PLD1: variants seen among roughly 807,000 people sequenced by gnomAD.
The protein encoded by PLD1 is choline phosphatase 1.
Under a neutral mutation model 137.1 loss-of-function variants are expected in PLD1, and 112 were observed. The ratio of observed to expected loss-of-function variants is 0.82; its 90% CI spans 0.70 to 0.96. PLD1 has a LOEUF of 0.96. Among genes scored for constraint, PLD1 ranks in the 40% least tolerant of loss-of-function variants. The pLI is 0.00. For missense variants in PLD1, 1,321 were observed against 1,342.0 expected (o/e 0.98, Z 0.24); for synonymous variants, 431 against 454.7 (o/e 0.95, Z 0.66).
At chr3:171,758,313 T>A (rs1721167798) in intron 1 of PLD1, among the ~76,000 whole-genome samples, 1 of 152,198 alleles carries the variant, frequency 6.6e-6, no homozygotes, top group African/African-American at 2.4e-5. Context: ...CAGGGCCCAA[T>A]TTCTTAATCA....
chr3:171,751,834 A>C (rs981456075), intron 1 of PLD1, among the ~76,000 whole-genome samples: 3 of 152,116 alleles, frequency 2.0e-5, no homozygotes, highest in Admixed American at 2.0e-4. Context: ...CCCCATCTCT[A>C]CTAAAACTAC....
At chr3:171,658,066 A>C (rs1737361463) in intron 21 of PLD1, among the ~76,000 whole-genome samples, 1 of 152,188 alleles carries the variant, frequency 6.6e-6, no homozygotes, top group Non-Finnish European at 1.5e-5. Context: ...GATGCTCAGT[A>C]TCATTAGTCA....
intron 11 of PLD1, among the ~76,000 whole-genome samples, chr3:171,705,172 A>C (rs751787594): frequency 5.9e-5 from 9 of 152,234 alleles, no homozygotes; most frequent in Non-Finnish European, 1.3e-4. Context: ...GCAAATAAAT[A>C]AGATACTATT....
At chr3:171,802,293 G>T (rs1723679971) in intron 1 of PLD1, among the ~76,000 whole-genome samples, 1 of 152,182 alleles carries the variant, frequency 6.6e-6, no homozygotes, top group Non-Finnish European at 1.5e-5. Flanking sequence ...AAGAATTTCA[G>T]ATAGTGGTGA....
At chr3:171,738,280 A>C (rs1719525154) in intron 1 of PLD1, among the ~76,000 whole-genome samples, 198 bp from the exon 2 acceptor site, 1 of 151,958 alleles carries the variant, frequency 6.6e-6, no homozygotes, top group South Asian at 2.1e-4. Context: ...AAATTAAAAC[A>C]GAGTGCTTAA....
chr3:171,670,161 A>G (rs555910107), intron 19 of PLD1, among the ~76,000 whole-genome samples: 115 of 117,764 alleles, frequency 9.8e-4, no homozygotes, highest in African/African-American at 3.7e-3. Context: ...GGAGATAAAG[A>G]GAGGATGGTT....
At chr3:171,783,162 G>A (rs1049190117) in intron 1 of PLD1, among the ~76,000 whole-genome samples, 4 of 152,126 alleles carry the variant, frequency 2.6e-5, no homozygotes, top group Non-Finnish European at 5.9e-5. Context: ...AGTCACCTGG[G>A]AGAGTGAGTT....
chr3:171,715,018 A>G (rs867243833), intron 8 of PLD1, among the ~76,000 whole-genome samples: 1 of 152,248 alleles, frequency 6.6e-6, no homozygotes, highest in African/African-American at 2.4e-5. Context: ...CTAAATTCCA[A>G]ACAAAGTTTC....
intron 11 of PLD1, among the ~76,000 whole-genome samples, chr3:171,707,327 T>C (rs1392290756): frequency 6.6e-6 from 1 of 152,188 alleles, no homozygotes; most frequent in Non-Finnish European, 1.5e-5. Flanking sequence ...ATTTTGGTGT[T>C]CAGACATAAA....
chr3:171,726,054 T>C lies in PLD1; in HGVS notation c.629A>G (p.Gln210Arg). 1.2e-6 allele frequency: 2 copies of C among 1,612,820 alleles called. No individual in the cohort carries two copies. Among genetic ancestry groups the C allele is most frequent in the Non-Finnish European group, 1.7e-6 (2 of 1,178,802 alleles). The change falls in exon 7 of 27, where the codon CAG (glutamine) becomes CGG (arginine). Residue 210 changes from glutamine (Q) to arginine (R), a missense_variant. By Grantham distance (43) the Gln-to-Arg change is conservative. Coordinates refer to ENST00000351298, the MANE Select transcript of PLD1 (RefSeq NM_002662.5). ...TCCCAAATCATGGATGAAAGACAGC[T>C]GGCTTATATCAAGAAACTCTGTCTG... Reference protein sequence around the residue: ...HATTEFLDISQLSFIHDLGPK... With the variant: ...HATTEFLDISRLSFIHDLGPK...
intron 17 of PLD1, 68 bp downstream of exon 17, chr3:171,677,498 T>C: frequency 4.7e-6 from 7 of 1,473,968 alleles, no homozygotes; most frequent in Non-Finnish European, 6.5e-6. Context: ...CATGCACATG[T>C]ATACTTGCTG....
intron 6 of PLD1, among the ~76,000 whole-genome samples, chr3:171,728,344 A>C (rs1718693880): frequency 6.6e-6 from 1 of 151,462 alleles, no homozygotes; most frequent in South Asian, 2.1e-4. Context: ...AAAACACCTC[A>C]AGGTCTTTAC....
At chr3:171,746,650 T>C (rs1324094914) in intron 1 of PLD1, among the ~76,000 whole-genome samples, 1 of 152,192 alleles carries the variant, frequency 6.6e-6, no homozygotes, top group African/African-American at 2.4e-5. Flanking sequence ...AGAACCTTTA[T>C]GTCTAGCTAA....
At position 171,669,806 on chromosome 3, in the gene PLD1, C is replaced by T. The variant is rs530598246; in HGVS notation, c.2229+4694G>A. On this transcript the variant is annotated intron_variant, in intron 19 of 26. Transcript: ENST00000351298. The stretch of plus-strand genomic sequence containing the variant: ...TTTGCATGGATTAATTTAACCATCA[C>T]CACAATCCTGTGAGACAGATACTGT... Among the ~76,000 whole-genome samples, 12 of 152,346 alleles carry T rather than the reference C, an allele frequency of 7.9e-5. No individual in the cohort carries two copies. The South Asian group carries it at 2.5e-3, about 32-fold the overall frequency.
chr3:171,653,160 C>T (rs2108409443), intron 21 of PLD1: 1 of 152,244 alleles, frequency 6.6e-6, no homozygotes, highest in East Asian at 1.9e-4. Flanking sequence ...AGTAATTACA[C>T]AACCAATCCC....
intron 21 of PLD1, among the ~76,000 whole-genome samples, chr3:171,651,887 G>A (rs747783459): frequency 6.6e-6 from 1 of 152,124 alleles, no homozygotes; most frequent in Non-Finnish European, 1.5e-5. Context: ...GGCTCAAAAT[G>A]AGTGCTGGCC....
intron 8 of PLD1, among the ~76,000 whole-genome samples, chr3:171,719,682 A>G (rs1717950715): frequency 6.6e-6 from 1 of 152,244 alleles, no homozygotes; most frequent in Non-Finnish European, 1.5e-5. Context: ...TAACGTCTAT[A>G]CATCTCTTTT....
At chr3:171,657,934 G>C (rs980907355) in intron 21 of PLD1, among the ~76,000 whole-genome samples, 4 of 152,098 alleles carry the variant, frequency 2.6e-5, no homozygotes, top group Non-Finnish European at 4.4e-5. Context: ...TATCTAGAAT[G>C]TATAAAGAAT....
chr3:171,713,916 T>G lies in PLD1; in HGVS notation c.888A>C (p.Gly296=), dbSNP rs1473454250. 1 of 1,613,118 alleles carries G rather than the reference T, an allele frequency of 6.2e-7. No homozygotes were observed. The highest frequency in any genetic ancestry group is 1.7e-5 in the Admixed American group (1 of 59,986). Residue 296 remains glycine, a synonymous_variant, in exon 9 of 27, where the codon GGA becomes GGC. Coordinates refer to ENST00000351298, the MANE Select transcript of PLD1 (RefSeq NM_002662.5). ...VGKKETETKY[G]IRIDNLSRTL... ...ACCTTGAAAGATTATCAATTCGGAT[T>G]CCATATTTCGTTTCTGTCTCCTTCT...
Sources: gnomAD v4.1 joint callset for allele counts (sites outside exome capture counted in the v4.1 genomes callset) on GRCh38, gnomAD v4.1.1 for gene constraint, MANE v1.5 for transcripts, NCBI Gene and HGNC (gene_info 2026-07-23, HGNC 2026-07-21) for gene names.